Variants in PIK3C2G observed in about 807,000 individuals in gnomAD.
PIK3C2G encodes phosphatidylinositol 3-kinase C2 domain-containing subunit gamma.
A neutral mutation model predicts 181.1 loss-of-function variants in PIK3C2G; 168 were observed. The ratio of observed to expected loss-of-function variants is 0.93; its 90% CI spans 0.82 to 1.05. The LOEUF (loss-of-function observed/expected upper bound fraction) is 1.05, where lower values mean the gene tolerates loss of function less well. Ranked by LOEUF, PIK3C2G falls within the 50% of genes least tolerant of loss-of-function variation. The pLI is 0.00. For missense variants in PIK3C2G, 1,869 were observed against 1,732.8 expected (o/e 1.08, Z -1.40); for synonymous variants, 573 against 592.2 (o/e 0.97, Z 0.47).
In PIK3C2G at chr12:18,538,213, GA is replaced by G. The variant is rs551745518; in HGVS notation, c.3386del (p.Asn1129ThrfsTer27). ...EMEYFITEGG[K>X]NPQHFQDFVE... ...TGGAATACTTTATTACAGAGGGTGG[GA>G]AAAACCCACAGCATTTTCAAGATTT... On this transcript the variant is annotated frameshift_variant, in exon 25 of 33. Transcript: ENST00000538779. LOFTEE classifies it high-confidence loss of function. 1.5e-3 allele frequency: 2,348 copies of G among 1,612,128 alleles called. 1 individual carries two copies. The highest frequency in any genetic ancestry group is 1.9e-3 in the Non-Finnish European group (2,254 of 1,179,014).
chr12:18,399,518 G>A (rs549956276), intron 15 of PIK3C2G, 141 bp from the exon 16 acceptor site: 8 of 434,496 alleles, frequency 1.8e-5, no homozygotes, highest in Admixed American at 7.9e-5. Flanking sequence ...GAAAATATCC[G>A]AAGAAGGTAA....
the PIK3C2G span, among the ~76,000 whole-genome samples, chr12:18,708,922 T>C: frequency 6.6e-6 from 1 of 152,164 alleles, no homozygotes; most frequent in Non-Finnish European, 1.5e-5. Flanking sequence ...CCTTATCAGA[T>C]ACATGGTTTG....
rs560621305 is a variant in PIK3C2G at position 18,525,283 on chromosome 12, T to C, written c.3324-12873T>C. ...GGCTGGCAACTGTAATCACAGCTAC[T>C]CGAGAGGCTGAGGCAGGAGAATCGC... On this transcript the variant is annotated intron_variant, in intron 24 of 32. Coordinates refer to ENST00000538779, the MANE Select transcript of PIK3C2G (RefSeq NM_001288772.2). Among the ~76,000 whole-genome samples, 12 of 151,940 alleles carry C rather than the reference T, an allele frequency of 7.9e-5. No individual in the cohort carries two copies. In the South Asian group the frequency reaches 2.5e-3, roughly 32 times the overall value.
intron 5 of PIK3C2G, among the ~76,000 whole-genome samples, chr12:18,312,358 G>C (rs1207771897): frequency 1.3e-5 from 2 of 152,180 alleles, no homozygotes; most frequent in Non-Finnish European, 2.9e-5. Context: ...CATTGCACTG[G>C]TGTCCAGAGT....
intron 29 of PIK3C2G, among the ~76,000 whole-genome samples, chr12:18,580,088 G>A (rs759102747): frequency 4.7e-5 from 7 of 149,288 alleles, no homozygotes; most frequent in Non-Finnish European, 8.9e-5. Flanking sequence ...AGCCGAGTTC[G>A]CACCACTGCA....
At chr12:18,416,845 A>C (rs1287610980) in intron 16 of PIK3C2G, among the ~76,000 whole-genome samples, 1 of 152,208 alleles carries the variant, frequency 6.6e-6, no homozygotes, top group Non-Finnish European at 1.5e-5. Flanking sequence ...CAAAACATCC[A>C]TTCTGAAGCC....
At chr12:18,584,525 C>T (rs1946674007) in intron 29 of PIK3C2G, among the ~76,000 whole-genome samples, 1 of 152,114 alleles carries the variant, frequency 6.6e-6, no homozygotes, top group Non-Finnish European at 1.5e-5. Flanking sequence ...AACAAAACCT[C>T]TGAGACATAT....
the PIK3C2G span, among the ~76,000 whole-genome samples, chr12:18,704,621 C>G: frequency 0.01 from 1,537 of 151,908 alleles, 26 homozygotes; most frequent in African/African-American, 0.035. Flanking sequence ...GTCACTGCAC[C>G]GGGCCATAGA....
intron 29 of PIK3C2G, among the ~76,000 whole-genome samples, chr12:18,569,186 T>C (rs983531652): frequency 6.6e-6 from 1 of 152,106 alleles, no homozygotes; most frequent in Non-Finnish European, 1.5e-5. Context: ...GAATGGTCAC[T>C]GCGGGAGCCT....
intron 8 of PIK3C2G, among the ~76,000 whole-genome samples, chr12:18,330,712 G>A (rs1937854923): frequency 6.6e-6 from 1 of 152,064 alleles, no homozygotes; most frequent in Admixed American, 6.6e-5. Flanking sequence ...CAGGGATGAG[G>A]AGCAGTAAAC....
chr12:18,419,988 G>A (rs1448706180), intron 16 of PIK3C2G, among the ~76,000 whole-genome samples: 1 of 152,094 alleles, frequency 6.6e-6, no homozygotes, highest in Non-Finnish European at 1.5e-5. Context: ...CACCTGACTG[G>A]TTGAAAAGCA....
intron 1 of PIK3C2G, among the ~76,000 whole-genome samples, chr12:18,271,112 G>A (rs1224165564): frequency 6.6e-6 from 1 of 152,020 alleles, no homozygotes; most frequent in East Asian, 1.9e-4. Context: ...TAGGAGACAG[G>A]CCCACCACAT....
intron 21 of PIK3C2G, among the ~76,000 whole-genome samples, 153 bp from the exon 22 acceptor site, chr12:18,497,466 A>T (rs376360935): frequency 2.0e-5 from 3 of 152,314 alleles, no homozygotes; most frequent in African/African-American, 7.2e-5. Flanking sequence ...TATCAGAAAC[A>T]CAAGGTAATT....
the PIK3C2G span, among the ~76,000 whole-genome samples, chr12:18,689,964 T>G: frequency 6.6e-6 from 1 of 152,140 alleles, no homozygotes; most frequent in Non-Finnish European, 1.5e-5. Flanking sequence ...AGCAGCTTCC[T>G]GGAGAATCAT....
At chr12:18,610,535 G>A (rs141885355) in intron 31 of PIK3C2G, among the ~76,000 whole-genome samples, 37 of 152,186 alleles carry the variant, frequency 2.4e-4, no homozygotes, top group African/African-American at 6.3e-4. Context: ...CCAAGAAGGC[G>A]TGTTTGCAAA....
chr12:18,482,963 CTTG>C (rs577964451), intron 18 of PIK3C2G, among the ~76,000 whole-genome samples: 50 of 152,272 alleles, frequency 3.3e-4, no homozygotes, highest in African/African-American at 1.2e-3. Flanking sequence ...TTTTCGTTTA[CTTG>C]TTGTTGTCTT....
chr12:18,374,426 T>TC (rs1942291997), intron 13 of PIK3C2G, among the ~76,000 whole-genome samples: 1 of 152,172 alleles, frequency 6.6e-6, no homozygotes, highest in African/African-American at 2.4e-5. Context: ...TTATTGTTTT[T>TC]CTCTCCTATC....
At chr12:18,695,127 A>C in the PIK3C2G span, 1 of 1,550,464 alleles carries the variant, frequency 6.4e-7, no homozygotes, top group Non-Finnish European at 8.9e-7. Flanking sequence ...GAGAATACAA[A>C]TAAAGGAACA....
chr12:18,346,427 G>T (rs947142813), intron 10 of PIK3C2G, among the ~76,000 whole-genome samples: 4 of 152,168 alleles, frequency 2.6e-5, no homozygotes, highest in African/African-American at 9.7e-5. Context: ...GATTTCTGCA[G>T]CTGAAGATCA....
Sources: gnomAD v4.1 joint callset for allele counts (sites outside exome capture counted in the v4.1 genomes callset) on GRCh38, gnomAD v4.1.1 for gene constraint, MANE v1.5 for transcripts, NCBI Gene and HGNC (gene_info 2026-07-23, HGNC 2026-07-21) for gene names.